The following RIMBP2 variants were observed in gnomAD, a reference collection of about 807,000 sequenced individuals.
RIMBP2 encodes RIMS-binding protein 2.
Under a neutral mutation model 118.6 loss-of-function variants are expected in RIMBP2, and 48 were observed. The observed-to-expected ratio is 0.40, with a 90% CI of 0.32 to 0.51. RIMBP2 has a LOEUF of 0.51. RIMBP2 is among the 20% of genes least tolerant of loss of function. The probability of loss-of-function intolerance (pLI) is 0.41; values close to 1 mark genes in which losing one functional copy is unlikely to be tolerated. For missense variants in RIMBP2, 1,551 were observed against 1,768.3 expected, an observed-to-expected ratio of 0.88 and a Z score of 2.20; for synonymous variants, 762 against 742.9, an observed-to-expected ratio of 1.03 and a Z score of -0.42.
rs534117374 is a variant in RIMBP2, at chr12:130,424,748, G to A, written c.2523C>T (p.Asp841=). 4.9e-4 allele frequency: 608 copies of A among 1,232,284 alleles called. No homozygotes were observed. Among genetic ancestry groups the A allele is most frequent in the Non-Finnish European group, 5.7e-4 (567 of 988,090 alleles). The allele number at this position is 1,232,284 out of a possible 1,614,324, so 76.3% of individuals were successfully genotyped here. A position where few individuals can be genotyped will look rare whatever the true frequency, so the allele number is the denominator to read the frequency against. The change falls in exon 16 of 23, where the codon GAC becomes GAT. Residue 841 remains aspartate (D), a synonymous_variant. Coordinates refer to ENST00000690449, the MANE Select transcript of RIMBP2 (RefSeq NM_001393629.1). This position sits in a 1 kb window ranked among gnomAD's most constrained non-coding sequence, Gnocchi z 9.8. Reference sequence around the variant, plus strand: ...TGTGTAGCAGCCCACAGCACTCTCCGTCCTCTTCCGCTACTTCGGGGATAC... The same window carrying A: ...TGTGTAGCAGCCCACAGCACTCTCCATCCTCTTCCGCTACTTCGGGGATAC... ...LFSIPEVAEE[D]GECCGLLHKQ...
chr12:130,462,517 G>C (rs2080093870), intron 6 of RIMBP2, among the ~76,000 whole-genome samples: 1 of 152,128 alleles, frequency 6.6e-6, no homozygotes, highest in Non-Finnish European at 1.5e-5. Flanking sequence ...GTGAAGATAT[G>C]TCACCCAGCT....
Position 130,703,273 on chromosome 12 carries a change from C to T in RIMBP2, c.-352+12949G>A, listed in dbSNP as rs1352145757. Among the ~76,000 whole-genome samples, 2 of 152,256 alleles carry T rather than the reference C, an allele frequency of 1.3e-5. No individual in the cohort carries two copies. Among genetic ancestry groups the T allele is most frequent in the East Asian group, 1.9e-4 (1 of 5,172 alleles). On this transcript the variant is annotated intron_variant, in intron 1 of 22. Coordinates refer to ENST00000690449, the MANE Select transcript of RIMBP2 (RefSeq NM_001393629.1). The surrounding 1 kb of genome is among the most constrained non-coding windows in gnomAD (Gnocchi z 5.7). The stretch of plus-strand genomic sequence containing the variant: ...TTGTGCACCCCGATTAACCTCCAGG[C>T]GGGCTCCCCCTCCGCCCTGGACATT...
intron 4 of RIMBP2, among the ~76,000 whole-genome samples, chr12:130,489,702 AC>A (rs2048445223): frequency 6.6e-6 from 1 of 151,478 alleles, no homozygotes; most frequent in Non-Finnish European, 1.5e-5. Context: ...TAGTTCTTCC[AC>A]CCTGTGTGTC....
intron 2 of RIMBP2, among the ~76,000 whole-genome samples, chr12:130,625,202 A>T (rs1218882081): frequency 3.9e-5 from 6 of 152,234 alleles, no homozygotes; most frequent in Non-Finnish European, 1.5e-5. Flanking sequence ...TTTTGAAATG[A>T]GCATAACTTT....
At chr12:130,597,826 A>G (rs2059643635) in intron 2 of RIMBP2, among the ~76,000 whole-genome samples, 1 of 152,240 alleles carries the variant, frequency 6.6e-6, no homozygotes, top group Admixed American at 6.5e-5. Flanking sequence ...AAGATTGGAC[A>G]CGAGACAAGG....
chr12:130,647,842 T>C (rs2063055314), intron 1 of RIMBP2, among the ~76,000 whole-genome samples: 1 of 145,928 alleles, frequency 6.9e-6, no homozygotes, highest in South Asian at 2.1e-4. Context: ...ACCCTCCCCT[T>C]TAAGCCATCT....
At chr12:130,709,093 G>A (rs1278907469) in intron 1 of RIMBP2, among the ~76,000 whole-genome samples, 4 of 152,256 alleles carry the variant, frequency 2.6e-5, no homozygotes, top group East Asian at 1.9e-4. Flanking sequence ...ACAGCAGTCC[G>A]ATGCATTGCT....
At chr12:130,489,984 C>T (rs1016043373) in intron 4 of RIMBP2, among the ~76,000 whole-genome samples, 4 of 152,018 alleles carry the variant, frequency 2.6e-5, no homozygotes, top group Admixed American at 6.5e-5. Context: ...ATTAGCCAGG[C>T]ATGGTGGCAG....
chr12:130,550,589 A>AT (rs2055665837), intron 2 of RIMBP2, among the ~76,000 whole-genome samples: 1 of 152,202 alleles, frequency 6.6e-6, no homozygotes, highest in Admixed American at 6.5e-5. Context: ...ACTATGTCCT[A>AT]TTTTTGCAAT....
At chr12:130,571,142 AAG>A (rs1314751715) in intron 2 of RIMBP2, among the ~76,000 whole-genome samples, 1 of 147,738 alleles carries the variant, frequency 6.8e-6, no homozygotes, top group East Asian at 2.1e-4. Flanking sequence ...AGGAGGAGGA[AAG>A]AGAGATATAG....
intron 4 of RIMBP2, 118 bp downstream of exon 4, chr12:130,506,530 G>T: frequency 1.5e-6 from 1 of 684,646 alleles, no homozygotes; most frequent in Non-Finnish European, 1.8e-6. Context: ...CTCTGAATGT[G>T]GATGATGGCT....
intron 2 of RIMBP2, among the ~76,000 whole-genome samples, chr12:130,599,193 T>G (rs555773461): frequency 6.6e-6 from 1 of 152,214 alleles, no homozygotes. Flanking sequence ...ATCATCAATT[T>G]GTGACTTTAG....
intron 2 of RIMBP2, among the ~76,000 whole-genome samples, chr12:130,591,319 A>C (rs2059245564): frequency 6.6e-6 from 1 of 152,204 alleles, no homozygotes; most frequent in African/African-American, 2.4e-5. Context: ...CCCTGTCGCA[A>C]CCACTTTGCC....
At chr12:130,715,793 G>A (rs1403179033) in intron 1 of RIMBP2, among the ~76,000 whole-genome samples, 1 of 148,784 alleles carries the variant, frequency 6.7e-6, no homozygotes, top group African/African-American at 2.5e-5. Context: ...ACAAGTCCAG[G>A]CCCTGAGCCG....
chr12:130,499,565 T>C (rs2049531984), intron 4 of RIMBP2, among the ~76,000 whole-genome samples: 2 of 152,130 alleles, frequency 1.3e-5, no homozygotes, highest in African/African-American at 4.8e-5. Flanking sequence ...CTTCTAACTA[T>C]TTCCCCGTGT....
At chr12:130,706,490 G>T (rs1039463321) in intron 1 of RIMBP2, among the ~76,000 whole-genome samples, 1 of 152,252 alleles carries the variant, frequency 6.6e-6, no homozygotes, top group Admixed American at 6.5e-5. Flanking sequence ...ACCAGTGAAG[G>T]CTGCTTCCGA....
intron 18 of RIMBP2, 62 bp from the exon 19 acceptor site, chr12:130,412,849 C>T (rs1465992758): frequency 6.2e-6 from 9 of 1,461,770 alleles, no homozygotes; most frequent in Non-Finnish European, 7.5e-6. Context: ...ATACAATAGT[C>T]CCACTGACGG....
chr12:130,509,523 C>T (rs940807170), intron 3 of RIMBP2, among the ~76,000 whole-genome samples: 46 of 152,374 alleles, frequency 3.0e-4, no homozygotes, highest in Admixed American at 7.8e-4. Context: ...TAATAAGTCA[C>T]AGCCCTAAGG....
chr12:130,519,324 C>T (rs762859032), intron 2 of RIMBP2, among the ~76,000 whole-genome samples: 3 of 152,220 alleles, frequency 2.0e-5, no homozygotes, highest in Non-Finnish European at 2.9e-5. Flanking sequence ...TAGCCACAGT[C>T]ATAATGAGCT....
Sources: allele counts gnomAD v4.1 joint callset (sites outside exome capture counted in the v4.1 genomes callset), GRCh38; gene constraint gnomAD v4.1.1; non-coding constraint Gnocchi (gnomAD v3.1); transcripts MANE v1.5; gene names NCBI Gene and HGNC (gene_info 2026-07-23, HGNC 2026-07-21).